PARN: variants seen among roughly 807,000 people sequenced by gnomAD.
The protein encoded by PARN is poly(A)-specific ribonuclease, also known as poly(A)-specific ribonuclease PARN.
In PARN, 71 loss-of-function variants were observed where a neutral mutation model predicts 102.8. The ratio of observed to expected loss-of-function variants is 0.69; its 90% confidence interval spans 0.57 to 0.84. The LOEUF (loss-of-function observed/expected upper bound fraction) is 0.84, where lower values mean the gene tolerates loss of function less well. Among genes scored for constraint, PARN ranks in the 40% least tolerant of loss-of-function variants. The probability of loss-of-function intolerance (pLI) is 0.00; values close to 1 mark genes in which losing one functional copy is unlikely to be tolerated. For synonymous variants in PARN, 261 were observed against 252.9 expected (o/e 1.03, Z -0.30); for missense variants, 782 against 760.9 (o/e 1.03, Z -0.33).
chr16:14,583,359 G>A (rs1969644958), intron 16 of PARN, among the ~76,000 whole-genome samples: 1 of 152,148 alleles, frequency 6.6e-6, no homozygotes, highest in Admixed American at 6.6e-5. Flanking sequence ...TGAAAAGGCT[G>A]TAACTGTTTT....
intron 18 of PARN, among the ~76,000 whole-genome samples, chr16:14,566,232 TTGA>T (rs1250835735): frequency 1.3e-5 from 2 of 152,184 alleles, no homozygotes; most frequent in Non-Finnish European, 2.9e-5. Flanking sequence ...ATATCTGGGA[TTGA>T]TGATATTATC....
chr16:14,626,384 A>G (rs1217454517), intron 5 of PARN, among the ~76,000 whole-genome samples: 3 of 152,278 alleles, frequency 2.0e-5, no homozygotes, highest in Non-Finnish European at 1.5e-5. Flanking sequence ...CCTGAGCTCA[A>G]GTGATTCTCC....
At chr16:14,448,923 G>A (rs953605474) in intron 22 of PARN, among the ~76,000 whole-genome samples, 3 of 152,138 alleles carry the variant, frequency 2.0e-5, no homozygotes, top group African/African-American at 4.8e-5. Context: ...AGTGGGGGGT[G>A]GCTGTTAAAA....
intron 21 of PARN, among the ~76,000 whole-genome samples, chr16:14,550,747 A>G (rs1371536885): frequency 2.0e-5 from 3 of 152,206 alleles, no homozygotes; most frequent in African/African-American, 7.2e-5. Context: ...AAAAACAAAC[A>G]CATCACTTAA....
At chr16:14,531,212 G>A (rs1966309277) in intron 21 of PARN, among the ~76,000 whole-genome samples, 1 of 152,150 alleles carries the variant, frequency 6.6e-6, no homozygotes, top group Non-Finnish European at 1.5e-5. Flanking sequence ...AGGCGTTGTG[G>A]TTAGTGCCTG....
At position 14,553,967 on chromosome 16, in the gene PARN, T is replaced by C; in HGVS notation, c.1405+98A>G. 1.1e-5 allele frequency: 8 copies of C among 715,644 alleles called. No homozygotes were observed. In the South Asian group the frequency reaches 1.4e-4, roughly 13 times the overall value. The allele number at this position is 715,644 out of a possible 1,614,324, so 44.3% of individuals were successfully genotyped here. Reference sequence around the variant, plus strand: ...GAAATTAAAACCTTGAATATTAACATTCTTTTATACGCAGGCCAAAACTAT... The same window carrying C: ...GAAATTAAAACCTTGAATATTAACACTCTTTTATACGCAGGCCAAAACTAT... On this transcript the variant is annotated intron_variant, in intron 20 of 23. Transcript: ENST00000437198.
At chr16:14,524,647 C>T (rs952562619) in intron 21 of PARN, among the ~76,000 whole-genome samples, 3 of 152,104 alleles carry the variant, frequency 2.0e-5, no homozygotes, top group African/African-American at 7.2e-5. Context: ...ATTTTATCTC[C>T]ACTAGAATAT....
chr16:14,577,244 T>C (rs761176512), intron 18 of PARN, among the ~76,000 whole-genome samples: 1 of 152,208 alleles, frequency 6.6e-6, no homozygotes, highest in Non-Finnish European at 1.5e-5. Flanking sequence ...CAGCTTGAGA[T>C]AATGTTGGGG....
intron 21 of PARN, among the ~76,000 whole-genome samples, chr16:14,525,841 T>C (rs1266086668): frequency 2.6e-5 from 4 of 152,222 alleles, no homozygotes; most frequent in Non-Finnish European, 1.5e-5. Flanking sequence ...TTCTTTTTCT[T>C]TTCTTTGAGA....
intron 21 of PARN, among the ~76,000 whole-genome samples, chr16:14,523,368 A>G (rs1965838463): frequency 6.6e-6 from 1 of 152,174 alleles, no homozygotes; most frequent in African/African-American, 2.4e-5. Flanking sequence ...CCCTACACTT[A>G]ACAGTTAGAA....
intron 19 of PARN, 65 bp from the exon 20 acceptor site, chr16:14,554,216 T>C (rs762441438): frequency 9.5e-5 from 101 of 1,059,322 alleles, no homozygotes; most frequent in Non-Finnish European, 1.4e-4. Context: ...CAGTGACTCT[T>C]TGATGAAACT....
intron 23 of PARN, among the ~76,000 whole-genome samples, chr16:14,445,072 C>T (rs2043469520): frequency 6.8e-6 from 1 of 147,400 alleles, no homozygotes; most frequent in Non-Finnish European, 1.5e-5. Flanking sequence ...AGGTCATCCT[C>T]CTGCTTCAGC....
intron 16 of PARN, among the ~76,000 whole-genome samples, chr16:14,582,713 G>A (rs1357469196): frequency 6.6e-6 from 1 of 152,010 alleles, no homozygotes; most frequent in Non-Finnish European, 1.5e-5. Context: ...GGGCTCTGGA[G>A]TCACACTGAG....
intron 22 of PARN, among the ~76,000 whole-genome samples, chr16:14,460,492 T>G (rs1183093811): frequency 6.6e-6 from 1 of 152,190 alleles, no homozygotes; most frequent in East Asian, 1.9e-4. Flanking sequence ...CTTTGTAAGT[T>G]TGAATCATCT....
chr16:14,469,485 A>T (rs1344285423), intron 22 of PARN, among the ~76,000 whole-genome samples: 1 of 152,202 alleles, frequency 6.6e-6, no homozygotes, highest in Non-Finnish European at 1.5e-5. Context: ...TGAAATGAAA[A>T]ATCTTTGCTT....
chr16:14,581,477 T>C (rs1054157561), intron 17 of PARN, among the ~76,000 whole-genome samples: 2 of 152,110 alleles, frequency 1.3e-5, no homozygotes, highest in Admixed American at 6.6e-5. Context: ...TTTAATTGGG[T>C]GAGTGGATCC....
chr16:14,576,959 C>T (rs769217768), intron 18 of PARN, among the ~76,000 whole-genome samples: 3 of 152,318 alleles, frequency 2.0e-5, no homozygotes, highest in Non-Finnish European at 4.4e-5. Flanking sequence ...CAATAGTTGA[C>T]TTGATAAAGC....
chr16:14,606,751 T>C (rs1971209776), intron 9 of PARN, among the ~76,000 whole-genome samples: 1 of 152,026 alleles, frequency 6.6e-6, no homozygotes, highest in Non-Finnish European at 1.5e-5. Flanking sequence ...TGACTTCAAA[T>C]TAATTTTTTT....
In PARN at chr16:14,457,210, A is replaced by C; in HGVS notation, c.1671-10129T>G. 1.3e-5 allele frequency among the ~76,000 whole-genome samples: 2 copies of C among 152,214 alleles called. 1 individual carries two copies. The highest frequency in any genetic ancestry group is 3.8e-4 in the East Asian group (2 of 5,202). Reference sequence around the variant, plus strand: ...ATGGGCAGCTTCTCCTGCTAGGCTGAATGAAAGCACATTCCCTACTAGATG... The same window carrying C: ...ATGGGCAGCTTCTCCTGCTAGGCTGCATGAAAGCACATTCCCTACTAGATG... On this transcript the variant is annotated intron_variant, in intron 22 of 23. Transcript: ENST00000437198.
Sources: allele counts gnomAD v4.1 joint callset (sites outside exome capture counted in the v4.1 genomes callset), GRCh38; gene constraint gnomAD v4.1.1; transcripts MANE v1.5; gene names NCBI Gene and HGNC (gene_info 2026-07-23, HGNC 2026-07-21).